The following CSMD1 variants were observed in gnomAD, a reference collection of about 807,000 sequenced individuals.
CSMD1 encodes CUB and Sushi multiple domains 1, also known as CUB and sushi domain-containing protein 1.
Under a neutral mutation model 417.5 loss-of-function variants are expected in CSMD1, and 213 were observed. The ratio of observed to expected loss-of-function variants is 0.51; its 90% CI spans 0.46 to 0.57. The LOEUF (loss-of-function observed/expected upper bound fraction) is 0.57. CSMD1 is among the 20% of genes least tolerant of loss of function. CSMD1 has a pLI of 0.00. For synonymous variants in CSMD1, 2,862 were observed against 1,736.8 expected, an observed-to-expected ratio of 1.65 and a Z score of -16.11; for missense variants, 6,923 against 4,529.7, an observed-to-expected ratio of 1.53 and a Z score of -15.17.
intron 21 of CSMD1, among the ~76,000 whole-genome samples, chr8:3,352,319 T>C (rs980267928): frequency 3.3e-5 from 5 of 152,188 alleles, no homozygotes; most frequent in Non-Finnish European, 5.9e-5. Context: ...CCTAAAACAG[T>C]TGAATTTTAA....
chr8:4,689,055 G>A (rs770551590), intron 1 of CSMD1, among the ~76,000 whole-genome samples: 2 of 152,102 alleles, frequency 1.3e-5, no homozygotes, highest in Non-Finnish European at 2.9e-5. Context: ...ATAATAACTT[G>A]CTTTATTCAA....
intron 5 of CSMD1, among the ~76,000 whole-genome samples, chr8:3,919,155 T>G (rs1323375164): frequency 6.9e-6 from 1 of 145,284 alleles, no homozygotes; most frequent in Non-Finnish European, 1.5e-5. Context: ...TTCTTTTGAT[T>G]TGGTTGCCTG....
At chr8:3,450,056 A>C (rs1416656183) in intron 12 of CSMD1, among the ~76,000 whole-genome samples, 2 of 152,130 alleles carry the variant, frequency 1.3e-5, no homozygotes, top group African/African-American at 2.4e-5. Flanking sequence ...TCCCTGGTTG[A>C]GACACATACG....
chr8:4,922,038 C>T (rs1221262508), intron 1 of CSMD1, among the ~76,000 whole-genome samples: 1 of 152,138 alleles, frequency 6.6e-6, no homozygotes, highest in South Asian at 2.1e-4. Flanking sequence ...AATCCCCCAG[C>T]ATGGATAAAC....
intron 5 of CSMD1, among the ~76,000 whole-genome samples, chr8:3,893,229 C>T (rs989785220): frequency 1.0e-4 from 15 of 150,660 alleles, no homozygotes; most frequent in Admixed American, 6.6e-5. Flanking sequence ...TCTTAAAACA[C>T]ATTTTTTCTT....
intron 50 of CSMD1, among the ~76,000 whole-genome samples, chr8:3,038,542 G>A (rs952254023): frequency 2.0e-5 from 3 of 151,974 alleles, no homozygotes; most frequent in African/African-American, 7.3e-5. Context: ...AATTTTTCTT[G>A]TGGTTATTTG....
intron 12 of CSMD1, among the ~76,000 whole-genome samples, chr8:3,414,312 T>A (rs17066055): frequency 0.095 from 13,048 of 136,868 alleles, 687 homozygotes; most frequent in East Asian, 0.17. Flanking sequence ...CTACGGAAAA[T>A]ATTGTTTAAG....
chr8:4,307,629 G>T (rs892422031), intron 3 of CSMD1, among the ~76,000 whole-genome samples: 8 of 152,114 alleles, frequency 5.3e-5, no homozygotes, highest in Admixed American at 3.9e-4. Flanking sequence ...CAAGCTTATC[G>T]AATTTTGCAT....
At chr8:3,222,732 G>C (rs1329111838) in intron 28 of CSMD1, among the ~76,000 whole-genome samples, 1 of 152,190 alleles carries the variant, frequency 6.6e-6, no homozygotes, top group African/African-American at 2.4e-5. Context: ...GCCAGTGAGT[G>C]TTCACTGGTT....
chr8:3,532,736 T>C (rs1046940365), intron 10 of CSMD1, among the ~76,000 whole-genome samples: 1 of 152,222 alleles, frequency 6.6e-6, no homozygotes, highest in Non-Finnish European at 1.5e-5. Flanking sequence ...CAGTATGTCA[T>C]ATCTATTGAT....
chr8:4,757,540 T>G (rs1811743831), intron 1 of CSMD1, among the ~76,000 whole-genome samples: 1 of 152,172 alleles, frequency 6.6e-6, no homozygotes, highest in Non-Finnish European at 1.5e-5. Flanking sequence ...CCCTACCATG[T>G]AGGTGACACA....
intron 10 of CSMD1, among the ~76,000 whole-genome samples, chr8:3,551,431 T>C (rs1383739351): frequency 1.3e-5 from 2 of 152,026 alleles, no homozygotes; most frequent in African/African-American, 2.4e-5. Context: ...AATTAACTAA[T>C]CTGCACACTG....
At chr8:4,311,043 C>G (rs1165335898) in intron 3 of CSMD1, among the ~76,000 whole-genome samples, 2 of 152,090 alleles carry the variant, frequency 1.3e-5, no homozygotes, top group African/African-American at 2.4e-5. Context: ...ACTTATACAC[C>G]ACTGGTGGGA....
At chr8:4,545,218 A>C (rs1447864101) in intron 2 of CSMD1, among the ~76,000 whole-genome samples, 1 of 152,232 alleles carries the variant, frequency 6.6e-6, no homozygotes, top group African/African-American at 2.4e-5. Context: ...GCATTTTCTT[A>C]GTCATAAAAT....
intron 1 of CSMD1, among the ~76,000 whole-genome samples, chr8:4,705,835 G>T (rs1031352514): frequency 6.6e-6 from 1 of 152,118 alleles, no homozygotes; most frequent in Admixed American, 6.6e-5. Flanking sequence ...TGAGCCAGCT[G>T]CATCTGAGTG....
chr8:3,532,977 A>T (rs1189179441), intron 10 of CSMD1, among the ~76,000 whole-genome samples: 1 of 152,240 alleles, frequency 6.6e-6, no homozygotes, highest in Non-Finnish European at 1.5e-5. Context: ...CAATCACCTC[A>T]TTTTATACAT....
intron 43 of CSMD1, among the ~76,000 whole-genome samples, chr8:3,109,241 G>A (rs1247120472): frequency 6.6e-6 from 1 of 152,178 alleles, no homozygotes; most frequent in African/African-American, 2.4e-5. Flanking sequence ...CTCCAGCTGT[G>A]CGACAGGGCA....
chr8:3,665,778 G>A lies in CSMD1; in HGVS notation c.1009+42636C>T, dbSNP rs540706133. The stretch of plus-strand genomic sequence containing the variant: ...TGTTTATCCAAGGCAGTAGCTTGAA[G>A]CTGAGGCTATTTCTTAGAGCACCCC... On this transcript the variant is annotated intron_variant, in intron 7 of 69. Coordinates refer to ENST00000635120, the MANE Select transcript of CSMD1 (RefSeq NM_033225.6). Among the ~76,000 whole-genome samples the A allele has an allele frequency of 4.6e-4, 70 of 152,330 alleles. 1 individual carries two copies. The highest frequency in any genetic ancestry group is 1.6e-3 in the African/African-American group (68 of 41,572).
At chr8:3,370,547 G>A (rs1345119578) in intron 18 of CSMD1, among the ~76,000 whole-genome samples, 1 of 152,210 alleles carries the variant, frequency 6.6e-6, no homozygotes, top group East Asian at 1.9e-4. Flanking sequence ...CAGATAGCTG[G>A]TAAGAGGCCG....
Sources: allele counts gnomAD v4.1 joint callset (sites outside exome capture counted in the v4.1 genomes callset), GRCh38; gene constraint gnomAD v4.1.1; transcripts MANE v1.5; gene names NCBI Gene and HGNC (gene_info 2026-07-23, HGNC 2026-07-21).